The following RARB variants were observed in gnomAD, a reference collection of about 807,000 sequenced individuals.
RARB encodes retinoic acid receptor beta.
Under a neutral mutation model 51.9 loss-of-function variants are expected in RARB, and 17 were observed. That is an observed-to-expected ratio of 0.33 (90% CI 0.22 to 0.49). The LOEUF (loss-of-function observed/expected upper bound fraction) is 0.49. RARB is among the 20% of genes least tolerant of loss of function. The probability of loss-of-function intolerance (pLI) is 0.99; values close to 1 mark genes in which losing one functional copy is unlikely to be tolerated. For synonymous variants in RARB, 215 were observed against 195.4 expected, an observed-to-expected ratio of 1.10 and a Z score of -0.84; for missense variants, 369 against 550.8, an observed-to-expected ratio of 0.67 and a Z score of 3.30.
chr3:25,317,660 T>C, intron 5 of RARB, among the ~76,000 whole-genome samples: 1 of 152,180 alleles, frequency 6.6e-6, no homozygotes, highest in Admixed American at 6.5e-5. Flanking sequence ...CACAGTTTTC[T>C]TGCTTTTAGA....
At chr3:25,291,104 T>G (rs927796531) in intron 5 of RARB, among the ~76,000 whole-genome samples, 1 of 152,160 alleles carries the variant, frequency 6.6e-6, no homozygotes, top group African/African-American at 2.4e-5. Context: ...CTGAAAAATA[T>G]AGAGTTGAGG....
At chr3:24,913,129 C>T (rs146527929) in intron 2 of RARB, among the ~76,000 whole-genome samples, 2,184 of 151,532 alleles carry the variant, frequency 0.014, 55 homozygotes, top group African/African-American at 0.048. Context: ...TACAGGCACC[C>T]GCCACCACGC....
chr3:25,375,888 T>A (rs1706445985), intron 5 of RARB, among the ~76,000 whole-genome samples: 1 of 152,296 alleles, frequency 6.6e-6, no homozygotes, highest in East Asian at 1.9e-4. Context: ...GATTCAAGTT[T>A]CCACCTACCA....
At chr3:24,915,436 TCTGAG>T (rs1484225640) in intron 2 of RARB, among the ~76,000 whole-genome samples, 53 of 152,334 alleles carry the variant, frequency 3.5e-4, no homozygotes, top group Admixed American at 1.2e-3. Flanking sequence ...ATATCTCAAT[TCTGAG>T]GAGCTATATT....
chr3:25,328,684 G>A (rs1439056487), intron 5 of RARB, among the ~76,000 whole-genome samples: 1 of 152,210 alleles, frequency 6.6e-6, no homozygotes, highest in Non-Finnish European at 1.5e-5. Flanking sequence ...TTGTCAGACA[G>A]TGGGTGCAGC....
intron 3 of RARB, among the ~76,000 whole-genome samples, chr3:25,518,383 T>C (rs1211024580): frequency 6.6e-6 from 1 of 152,186 alleles, no homozygotes; most frequent in Admixed American, 6.5e-5. Flanking sequence ...TTCTAGATAC[T>C]GATGTTTGAG....
At chr3:25,525,251 C>G (rs1465538656) in intron 3 of RARB, among the ~76,000 whole-genome samples, 3 of 152,130 alleles carry the variant, frequency 2.0e-5, no homozygotes, top group Non-Finnish European at 4.4e-5. Context: ...TTATCCTGTT[C>G]ATTTTGGAGG....
rs9855351 is a variant in RARB, at chr3:25,202,116, G to T, written c.178+27541G>T. On this transcript the variant is annotated intron_variant, in intron 5 of 11. Coordinates refer to the RARB transcript ENST00000383772. ...AATTATTGCCTTAATTTCAGATCCT[G>T]TTATTGGTCTATTCAGAGATTCAAC... 5.6e-3 allele frequency among the ~76,000 whole-genome samples: 860 copies of T among 152,252 alleles called. 14 individuals are homozygous for T. The highest frequency in any genetic ancestry group is 0.019 in the African/African-American group (810 of 41,550).
At chr3:25,216,678 C>T (rs1158869938) in intron 5 of RARB, among the ~76,000 whole-genome samples, 3 of 151,178 alleles carry the variant, frequency 2.0e-5, no homozygotes, top group Non-Finnish European at 4.4e-5. Flanking sequence ...AACAAATCTG[C>T]ACATTCTGCA....
At chr3:25,006,239 A>C (rs4858137) in intron 2 of RARB, among the ~76,000 whole-genome samples, 114,217 of 152,044 alleles carry the variant, frequency 0.75, 43,057 homozygotes, top group East Asian at 0.87. Flanking sequence ...GAGTTTGTCT[A>C]TCTCTCTAAA....
intron 3 of RARB, among the ~76,000 whole-genome samples, chr3:25,127,928 C>G (rs1575173064): frequency 6.6e-6 from 1 of 151,926 alleles, no homozygotes; most frequent in Admixed American, 6.6e-5. Context: ...AAAAAGCCAC[C>G]ATTTGGGTAC....
intron 1 of RARB, among the ~76,000 whole-genome samples, chr3:24,843,144 T>G (rs1702440458): frequency 6.6e-6 from 1 of 152,218 alleles, no homozygotes; most frequent in African/African-American, 2.4e-5. Context: ...ATAACCATGC[T>G]TTAAAAATTG....
intron 2 of RARB, among the ~76,000 whole-genome samples, chr3:25,009,521 T>C (rs1444465435): frequency 6.6e-6 from 1 of 152,066 alleles, no homozygotes; most frequent in South Asian, 2.1e-4. Context: ...CTTGAGAAAG[T>C]TGTTCTAAGA....
chr3:24,922,344 G>A (rs907782147), intron 2 of RARB, among the ~76,000 whole-genome samples: 5 of 152,224 alleles, frequency 3.3e-5, no homozygotes, highest in African/African-American at 1.2e-4. Context: ...TTTTGCCTCT[G>A]ACTGCATTCT....
chr3:25,438,715 T>C (rs1348982758), intron 1 of RARB, among the ~76,000 whole-genome samples: 1 of 152,134 alleles, frequency 6.6e-6, no homozygotes, highest in Non-Finnish European at 1.5e-5. Context: ...GCTTCAGGAG[T>C]TGTCATCCTG....
At chr3:24,862,208 T>A (rs1000964942) in intron 2 of RARB, among the ~76,000 whole-genome samples, 3 of 152,214 alleles carry the variant, frequency 2.0e-5, no homozygotes, top group African/African-American at 7.2e-5. Flanking sequence ...GGGTTTGGTT[T>A]CTCACTCTTG....
rs561576044 is a variant in RARB at position 25,114,873 on chromosome 3, T to C, written c.-327-17288T>C. Among the ~76,000 whole-genome samples, 4 of 152,290 alleles carry C rather than the reference T, an allele frequency of 2.6e-5. No individual in the cohort carries two copies. In the East Asian group the frequency reaches 7.7e-4, roughly 29 times the overall value. On this transcript the variant is annotated intron_variant, in intron 3 of 11. Transcript: ENST00000383772. Reference sequence around the variant, plus strand: ...GCTCTTTATGTCATAGAGGATGATATTGTATAAAATGAAAAGTTATAAAAT... The same window carrying C: ...GCTCTTTATGTCATAGAGGATGATACTGTATAAAATGAAAAGTTATAAAAT...
chr3:24,927,162 T>C (rs1291064840), intron 2 of RARB, among the ~76,000 whole-genome samples: 4 of 152,130 alleles, frequency 2.6e-5, no homozygotes, highest in African/African-American at 9.7e-5. Flanking sequence ...TGTCAAATAT[T>C]TCATCCAATA....
chr3:24,850,813 G>A (rs1702545449), intron 1 of RARB, among the ~76,000 whole-genome samples: 1 of 152,138 alleles, frequency 6.6e-6, no homozygotes, highest in Non-Finnish European at 1.5e-5. Context: ...CTGAAATTCT[G>A]CATTTTTAAC....
Sources: gnomAD v4.1 joint callset for allele counts (sites outside exome capture counted in the v4.1 genomes callset) on GRCh38, gnomAD v4.1.1 for gene constraint, MANE v1.5 for transcripts, NCBI Gene and HGNC (gene_info 2026-07-23, HGNC 2026-07-21) for gene names.